Variants in ITGBL1 observed in about 807,000 individuals in gnomAD.
The protein encoded by ITGBL1 is integrin beta-like protein 1.
Under a neutral mutation model 68.5 loss-of-function variants are expected in ITGBL1, and 51 were observed. That is an observed-to-expected ratio of 0.74 (90% confidence interval 0.59 to 0.94). The LOEUF (loss-of-function observed/expected upper bound fraction) is 0.94. Ranked by LOEUF, ITGBL1 falls within the 40% of genes least tolerant of loss-of-function variation. The probability of loss-of-function intolerance (pLI) is 0.00; values close to 1 mark genes in which losing one functional copy is unlikely to be tolerated. For missense variants in ITGBL1, 649 were observed against 647.4 expected, an observed-to-expected ratio of 1.00 and a Z score of -0.03; for synonymous variants, 209 against 227.3, an observed-to-expected ratio of 0.92 and a Z score of 0.72.
chr13:101,719,724 G>T (rs982040219), downstream of ITGBL1: 3 of 152,076 alleles, frequency 2.0e-5, no homozygotes, highest in African/African-American at 7.2e-5. Flanking sequence ...GAGTATTATA[G>T]AGACTTGATA....
intron 7 of ITGBL1, among the ~76,000 whole-genome samples, chr13:101,683,822 G>A (rs190479801): frequency 8.2e-4 from 125 of 152,092 alleles, no homozygotes; most frequent in African/African-American, 3.0e-3. Context: ...GTGAATAAGA[G>A]GAGGAGTATC....
chr13:101,505,392 T>A (rs1335929872), intron 2 of ITGBL1, among the ~76,000 whole-genome samples: 4 of 152,276 alleles, frequency 2.6e-5, no homozygotes, highest in Non-Finnish European at 1.5e-5. Context: ...GCAGAAGATG[T>A]AAATAAATCA....
At chr13:101,605,582 G>T (rs1168163989) in intron 7 of ITGBL1, among the ~76,000 whole-genome samples, 8 of 150,844 alleles carry the variant, frequency 5.3e-5, no homozygotes, top group Non-Finnish European at 1.0e-4. Context: ...ATATATACAC[G>T]TATTTAGACA....
chr13:101,712,998 AC>A (rs1170697288), intron 9 of ITGBL1: 5 of 152,172 alleles, frequency 3.3e-5, no homozygotes, highest in African/African-American at 1.2e-4. Flanking sequence ...ATCAACCTGG[AC>A]CCTCAGGAAA....
chr13:101,474,130 A>G lies in ITGBL1; in HGVS notation c.316+20030A>G, dbSNP rs551035408. 4.6e-5 allele frequency among the ~76,000 whole-genome samples: 7 copies of G among 152,296 alleles called. No homozygotes were observed. In the South Asian group the frequency reaches 8.3e-4, roughly 18 times the overall value. On this transcript the variant is annotated intron_variant, in intron 2 of 10. Coordinates refer to ENST00000376180, the MANE Select transcript of ITGBL1 (RefSeq NM_004791.3). ...CTTGGCCCAGTGGGTTAGAGGATCA[A>G]GTGAATCCCTGGGGTCCCCAGTTCT...
At chr13:101,653,135 A>G (rs950234253) in intron 7 of ITGBL1, among the ~76,000 whole-genome samples, 45 of 144,978 alleles carry the variant, frequency 3.1e-4, no homozygotes, top group African/African-American at 1.0e-3. Context: ...GGAAGGAAAC[A>G]AGGGGGAGGG....
At position 101,692,639 on chromosome 13, in the gene ITGBL1, A is replaced by G. The variant is rs1709866788; in HGVS notation, c.1070A>G (p.Tyr357Cys). 1 of 1,613,880 alleles carries G rather than the reference A, an allele frequency of 6.2e-7. No homozygotes were observed. The highest frequency in any genetic ancestry group is 1.1e-5 in the South Asian group (1 of 91,072). Residue 357 changes from tyrosine to cysteine, a missense_variant, in exon 8 of 11, where the codon TAT becomes TGT. Coordinates refer to ENST00000376180, the MANE Select transcript of ITGBL1 (RefSeq NM_004791.3). ...TATCCTCCAGGAGATCGCCGGGTGT[A>G]TGGCAAGACTTGTGAGTGTGATGAT... ...TCYPPGDRRV[Y>C]GKTCECDDRR...
intron 8 of ITGBL1, among the ~76,000 whole-genome samples, chr13:101,703,015 G>C (rs2034170330): frequency 6.6e-6 from 1 of 152,120 alleles, no homozygotes; most frequent in African/African-American, 2.4e-5. Context: ...TCTCCTCCAA[G>C]TTTTTGAAGA....
At chr13:101,501,626 C>T (rs2048942320) in intron 2 of ITGBL1, among the ~76,000 whole-genome samples, 1 of 152,152 alleles carries the variant, frequency 6.6e-6, no homozygotes, top group South Asian at 2.1e-4. Flanking sequence ...AATTGTAATG[C>T]CCCATGATAG....
At chr13:101,619,497 G>A (rs539994827) in intron 7 of ITGBL1, among the ~76,000 whole-genome samples, 8 of 152,142 alleles carry the variant, frequency 5.3e-5, no homozygotes, top group Non-Finnish European at 1.0e-4. Context: ...GAAAAGGCCA[G>A]GAAAGAGATC....
rs189898474 is a variant in ITGBL1 at position 101,658,988 on chromosome 13, C to T, written c.1016-33597C>T. Among the ~76,000 whole-genome samples the T allele has an allele frequency of 2.8e-3, 423 of 150,140 alleles. 2 individuals are homozygous for T. The highest frequency in any genetic ancestry group is 9.7e-3 in the African/African-American group (398 of 40,894). On this transcript the variant is annotated intron_variant, in intron 7 of 10. Transcript: ENST00000376180. ...GTTAGACTACAGCACTAACAAGTTT[C>T]TATCTTAAACATTATAGTGACCCCT... is the stretch of plus-strand genomic sequence containing the variant.
At chr13:101,531,907 T>A (rs1040993277) in intron 2 of ITGBL1, among the ~76,000 whole-genome samples, 2 of 151,718 alleles carry the variant, frequency 1.3e-5, no homozygotes, top group South Asian at 2.1e-4. Context: ...TAATTTTTTT[T>A]ATTTTTTTGG....
intron 2 of ITGBL1, among the ~76,000 whole-genome samples, chr13:101,545,972 A>T (rs564170178): frequency 2.0e-5 from 3 of 152,246 alleles, no homozygotes; most frequent in African/African-American, 7.2e-5. Flanking sequence ...AAATAATCAT[A>T]CAATGAACTA....
At chr13:101,504,441 A>G (rs2048995171) in intron 2 of ITGBL1, among the ~76,000 whole-genome samples, 3 of 152,228 alleles carry the variant, frequency 2.0e-5, no homozygotes, top group African/African-American at 7.2e-5. Flanking sequence ...AGAGTGCATC[A>G]TAACCTTATG....
chr13:101,458,057 C>T (rs749376492), intron 2 of ITGBL1, among the ~76,000 whole-genome samples: 3 of 152,128 alleles, frequency 2.0e-5, no homozygotes, highest in Non-Finnish European at 4.4e-5. Flanking sequence ...TTATGAAGCA[C>T]TGCATATTTT....
chr13:101,583,434 T>C, intron 6 of ITGBL1, 78 bp downstream of exon 6: 1 of 1,109,362 alleles, frequency 9.0e-7, no homozygotes, highest in East Asian at 2.6e-5. Flanking sequence ...AAAAAAGCAA[T>C]TAGAAAGAAT....
chr13:101,604,335 A>G (rs1436253912), intron 7 of ITGBL1, among the ~76,000 whole-genome samples: 1 of 151,946 alleles, frequency 6.6e-6, no homozygotes, highest in Non-Finnish European at 1.5e-5. Context: ...TTTAGCTACC[A>G]TTTTTTAAGC....
At chr13:101,510,812 C>T (rs1452793434) in intron 2 of ITGBL1, among the ~76,000 whole-genome samples, 2 of 151,974 alleles carry the variant, frequency 1.3e-5, no homozygotes, top group African/African-American at 4.8e-5. Context: ...AGTGTCTGTT[C>T]ATGTCTTTTG....
chr13:101,654,832 A>G (rs566474257), intron 7 of ITGBL1, among the ~76,000 whole-genome samples: 7 of 152,272 alleles, frequency 4.6e-5, no homozygotes, highest in African/African-American at 1.4e-4. Flanking sequence ...GGGACAAAGC[A>G]ACATTTCCAG....
Sources: gnomAD v4.1 joint callset for allele counts (sites outside exome capture counted in the v4.1 genomes callset) on GRCh38, gnomAD v4.1.1 for gene constraint, MANE v1.5 for transcripts, NCBI Gene and HGNC (gene_info 2026-07-23, HGNC 2026-07-21) for gene names.